PRRC2B: variants seen among roughly 807,000 people sequenced by gnomAD.
PRRC2B encodes the protein protein PRRC2B.
Under a neutral mutation model 242.3 loss-of-function variants are expected in PRRC2B, and 68 were observed. That is an observed-to-expected ratio of 0.28 (90% confidence interval 0.23 to 0.34). PRRC2B has a LOEUF of 0.34. Among genes scored for constraint, PRRC2B ranks in the 10% least tolerant of loss-of-function variants. The pLI is 1.00. For synonymous variants in PRRC2B, 1,228 were observed against 1,173.6 expected, an observed-to-expected ratio of 1.05 and a Z score of -0.95; for missense variants, 2,835 against 2,954.8, an observed-to-expected ratio of 0.96 and a Z score of 0.94.
chr9:131,480,280 G>A (rs894083370), intron 19 of PRRC2B, among the ~76,000 whole-genome samples: 4 of 152,170 alleles, frequency 2.6e-5, no homozygotes, highest in Admixed American at 2.0e-4. Context: ...TCATGTGCTC[G>A]GTGAAAACTT....
intron 30 of PRRC2B, among the ~76,000 whole-genome samples, chr9:131,493,581 G>A (rs1265868247): frequency 3.3e-5 from 5 of 152,258 alleles, no homozygotes; most frequent in Non-Finnish European, 5.9e-5. Flanking sequence ...ATTCTTTGGA[G>A]CATATTTAGA....
rs781149277 is a variant in PRRC2B at position 131,475,477 on chromosome 9, G to A, written c.3348G>A (p.Ala1116=). The change falls in exon 16 of 32, where the codon GCG becomes GCA. Residue 1116 remains alanine, a synonymous_variant. Transcript: ENST00000683519. ...SGRGRGLREF[A]RPEDCPRAKP... ...GTGGCCGGGGCCTGCGAGAGTTTGC[G>A]CGGCCAGAGGACTGCCCCAGAGCCA... 25 of 1,591,548 alleles carry A rather than the reference G, an allele frequency of 1.6e-5. No individual in the cohort carries two copies. Among genetic ancestry groups the A allele is most frequent in the African/African-American group, 8.1e-5 (6 of 73,862 alleles).
At chr9:131,479,484 C>T (rs1361095121) in intron 19 of PRRC2B, 91 bp downstream of exon 19, 2 of 1,261,138 alleles carry the variant, frequency 1.6e-6, no homozygotes, top group Non-Finnish European at 1.1e-6. Context: ...TTTTGAGCTA[C>T]GAATATAGAT....
At chr9:131,425,612 C>T (rs1434360856) in intron 1 of PRRC2B, among the ~76,000 whole-genome samples, 1 of 151,758 alleles carries the variant, frequency 6.6e-6, no homozygotes, top group Non-Finnish European at 1.5e-5. Flanking sequence ...CTCAGTCCCC[C>T]AAGTAGCTGA....
chr9:131,402,089 C>G (rs538411301), intron 1 of PRRC2B, among the ~76,000 whole-genome samples: 1 of 152,074 alleles, frequency 6.6e-6, no homozygotes, highest in Admixed American at 6.6e-5. Context: ...CCTGCCTCAG[C>G]CTCCTGAATA....
intron 14 of PRRC2B, among the ~76,000 whole-genome samples, chr9:131,471,305 C>T (rs1270595090): frequency 1.3e-5 from 2 of 152,090 alleles, no homozygotes; most frequent in African/African-American, 4.8e-5. Context: ...TAGTCTTTCC[C>T]AAGGTTTGTC....
intron 1 of PRRC2B, among the ~76,000 whole-genome samples, chr9:131,384,356 C>T (rs192687544): frequency 3.0e-4 from 45 of 151,794 alleles, no homozygotes; most frequent in Non-Finnish European, 5.6e-4. Flanking sequence ...GATCTTGGCT[C>T]GCTGCAACCT....
At chr9:131,479,511 A>G (rs1943797982) in intron 19 of PRRC2B, 118 bp downstream of exon 19, 1 of 1,002,664 alleles carries the variant, frequency 1.0e-6, no homozygotes, top group Non-Finnish European at 1.4e-6. Context: ...CAGATGGAGT[A>G]CCTGTTTGCT....
At position 131,434,489 on chromosome 9, in the gene PRRC2B, A is replaced by G. The variant is rs370778984; in HGVS notation, c.293+1695A>G. Among the ~76,000 whole-genome samples the G allele has an allele frequency of 4.6e-5, 7 of 152,242 alleles. No homozygotes were observed. In the East Asian group the frequency reaches 7.7e-4, roughly 17 times the overall value. On this transcript the variant is annotated intron_variant, in intron 3 of 31. Transcript: ENST00000683519. The stretch of plus-strand genomic sequence containing the variant: ...CCAGGCCACATCCTCCCACCAAGGT[A>G]TCAGGTGGCAAGTGGGCCCACAACG...
chr9:131,407,559 G>C (rs528535714), intron 1 of PRRC2B, among the ~76,000 whole-genome samples: 1 of 152,278 alleles, frequency 6.6e-6, no homozygotes, highest in Non-Finnish European at 1.5e-5. Flanking sequence ...ATTGTCCTGG[G>C]TTTCCTCTAG....
chr9:131,482,817 A>C lies in PRRC2B; in HGVS notation c.5283A>C (p.Gln1761His), dbSNP rs781109050. 1.2e-6 allele frequency: 2 copies of C among 1,609,466 alleles called. No homozygotes were observed. Among genetic ancestry groups the C allele is most frequent in the Admixed American group, 3.4e-5 (2 of 59,368 alleles). Residue 1761 changes from glutamine (Q) to histidine (H), a missense_variant, in exon 22 of 32, where the codon CAA becomes CAC. Physicochemically the swap from Gln to His is conservative, Grantham distance 24. Around this residue, in one of 7 missense-constraint regions of PRRC2B, gnomAD observed 574 missense variants for 626.0 expected, o/e 0.92. Coordinates refer to ENST00000683519, the MANE Select transcript of PRRC2B (RefSeq NM_013318.4). This position sits in a 1 kb window ranked among gnomAD's most constrained non-coding sequence, Gnocchi z 5.2. ...GCTCGGAGGGGGCCGAGCGGCTGCAAGGGGCTGTCGTCCCGCCTGTTAACG... is the reference window on the plus strand; with the variant it reads ...GCTCGGAGGGGGCCGAGCGGCTGCACGGGGCTGTCGTCCCGCCTGTTAACG... ...RKGSEGAERLQGAVVPPVNGV... is the reference protein window; with the variant it reads ...RKGSEGAERLHGAVVPPVNGV...
In PRRC2B at chr9:131,491,562, C is replaced by A. The variant is rs1262913539; in HGVS notation, c.6363C>A (p.Val2121=). ...RIPPPGSQPP[V]LNTSREPSQM... ...CTCCGCCCGGGTCCCAGCCGCCAGT[C>A]CTGAACACCAGCAGAGAGGTAAGGG... The change falls in exon 29 of 32, where the codon GTC becomes GTA. Residue 2121 remains valine, a synonymous_variant. Coordinates refer to ENST00000683519, the MANE Select transcript of PRRC2B (RefSeq NM_013318.4). 6.2e-7 allele frequency: 1 copy of A among 1,611,488 alleles called. No individual in the cohort carries two copies. Among genetic ancestry groups the A allele is most frequent in the African/African-American group, 1.3e-5 (1 of 75,012 alleles).
At chr9:131,419,345 T>C (rs2966352) in intron 1 of PRRC2B, among the ~76,000 whole-genome samples, 148,957 of 152,280 alleles carry the variant, frequency 0.98, 72,947 homozygotes, top group East Asian at 1. Context: ...TTTGAAGGTC[T>C]GCTCTCTGTA....
chr9:131,407,192 A>G (rs761252028), intron 1 of PRRC2B, among the ~76,000 whole-genome samples: 9 of 152,306 alleles, frequency 5.9e-5, no homozygotes, highest in Non-Finnish European at 1.2e-4. Context: ...GCTGCTTCCA[A>G]AGATCCCACA....
rs778597070 is a variant in PRRC2B at position 131,498,746 on chromosome 9, T to C, written c.*2872T>C. 1.3e-5 allele frequency: 2 copies of C among 152,204 alleles called. No individual in the cohort carries two copies. The highest frequency in any genetic ancestry group is 2.4e-5 in the African/African-American group (1 of 41,456). 9.4% of individuals were successfully genotyped at this position (152,204 alleles called of 1,614,324 possible). ...TGGGGGGTCAGAACCCACTCACTTT[T>C]GCCTGTTAAAGTTGCCCTCCTGACG... On this transcript the variant is annotated 3_prime_UTR_variant, in exon 32 of 32. Transcript: ENST00000683519.
intron 30 of PRRC2B, among the ~76,000 whole-genome samples, chr9:131,493,533 T>C (rs990044107): frequency 2.6e-5 from 4 of 152,262 alleles, no homozygotes; most frequent in Admixed American, 6.5e-5. Context: ...AAGAGTCGCC[T>C]GTGTCTATGT....
At chr9:131,486,671 C>G (rs1944033975) in intron 26 of PRRC2B, 1 of 377,782 alleles carries the variant, frequency 2.6e-6, no homozygotes, top group Non-Finnish European at 3.6e-6. Flanking sequence ...TCTAGCCGCC[C>G]CTCAGACCCA....
intron 28 of PRRC2B, chr9:131,490,619 C>CT (rs1944163112): frequency 1.9e-6 from 1 of 518,736 alleles, no homozygotes; most frequent in South Asian, 1.4e-5. Context: ...CCTGTCCTTA[C>CT]AGTCTCTGGG....
At chr9:131,379,533 C>T (rs1836728286) in intron 1 of PRRC2B, among the ~76,000 whole-genome samples, 1 of 151,980 alleles carries the variant, frequency 6.6e-6, no homozygotes. Context: ...TTGCATTTCC[C>T]TGCTGGCTGG....
Sources: gnomAD v4.1 joint callset for allele counts (sites outside exome capture counted in the v4.1 genomes callset) on GRCh38, gnomAD v4.1.1 for gene constraint, gnomAD v4.1.1 regional missense constraint, Gnocchi (gnomAD v3.1) non-coding constraint, MANE v1.5 for transcripts, NCBI Gene and HGNC (gene_info 2026-07-23, HGNC 2026-07-21) for gene names.